Variants in ARID2 observed in about 807,000 individuals in gnomAD.
ARID2 encodes the protein AT-rich interaction domain 2.
ARID2 carries 32 observed loss-of-function variants against 184.6 expected under a neutral mutation model. The ratio of observed to expected loss-of-function variants is 0.17; its 90% CI spans 0.13 to 0.23. The LOEUF (loss-of-function observed/expected upper bound fraction) is 0.23, where lower values mean the gene tolerates loss of function less well. Among genes scored for constraint, ARID2 ranks in the 10% least tolerant of loss-of-function variants. The pLI is 1.00. For missense variants in ARID2, 1,696 were observed against 2,197.6 expected (o/e 0.77, Z 4.56); for synonymous variants, 836 against 772.6 (o/e 1.08, Z -1.36).
chr12:45,869,026 GTT>G (rs60673420), intron 16 of ARID2, among the ~76,000 whole-genome samples: 2 of 148,044 alleles, frequency 1.4e-5, no homozygotes, highest in African/African-American at 2.5e-5. Context: ...ATTGCTTTTT[GTT>G]TTTTTTTTTG....
chr12:45,829,877 G>T (rs986957014), intron 6 of ARID2, among the ~76,000 whole-genome samples: 3 of 140,120 alleles, frequency 2.1e-5, no homozygotes, highest in Non-Finnish European at 3.1e-5. Context: ...CCTTAGGCTT[G>T]TTCCTTAATC....
At position 45,731,346 on chromosome 12, in the gene ARID2, G is replaced by T. The variant is rs371802419; in HGVS notation, c.284+32G>T. On this transcript the variant is annotated intron_variant, in intron 3 of 20. Coordinates refer to ENST00000334344, the MANE Select transcript of ARID2 (RefSeq NM_152641.4). ...AGTAGTGACTTTTCCATAGTATTTG[G>T]AAATAAGGGACTTATGGAGAGATTT... The T allele has an allele frequency of 4.2e-3, 6,282 of 1,482,320 alleles. 289 individuals carry two copies. The South Asian group carries it at 0.067, about 16-fold the overall frequency. The allele number at this position is 1,482,320 out of a possible 1,614,324, so 91.8% of individuals were successfully genotyped here.
chr12:45,859,265 C>T (rs1042721396), intron 15 of ARID2, among the ~76,000 whole-genome samples: 12 of 152,168 alleles, frequency 7.9e-5, no homozygotes, highest in African/African-American at 2.4e-4. Flanking sequence ...CATTGTGTTA[C>T]GGTTGCCTAT....
At chr12:45,826,609 G>A (rs1235237671) in intron 6 of ARID2, among the ~76,000 whole-genome samples, 2 of 151,848 alleles carry the variant, frequency 1.3e-5, no homozygotes, top group Non-Finnish European at 2.9e-5. Flanking sequence ...TGTAGAGATA[G>A]AGTCTTGATA....
intron 16 of ARID2, among the ~76,000 whole-genome samples, chr12:45,864,150 C>T (rs1239360825): frequency 6.6e-6 from 1 of 152,118 alleles, no homozygotes; most frequent in Non-Finnish European, 1.5e-5. Context: ...AGCCATAATT[C>T]TCCTTTTAGA....
intron 3 of ARID2, among the ~76,000 whole-genome samples, chr12:45,759,119 T>C (rs1390557599): frequency 6.6e-6 from 1 of 152,182 alleles, no homozygotes; most frequent in Non-Finnish European, 1.5e-5. Flanking sequence ...CTGAAGTGTT[T>C]TCTATGTTTT....
chr12:45,852,051 G>A lies in ARID2; in HGVS notation c.3928G>A (p.Gly1310Arg), dbSNP rs1943561981. The change falls in exon 15 of 21, where the codon GGG becomes AGG. Residue 1310 changes from glycine (G) to arginine (R), a missense_variant. Transcript: ENST00000334344. ...SDSSLPPSNS[G>R]KIQSETNQCS... ...CTCAAGTCTACCTCCTTCAAACTCA[G>A]GGAAAATTCAAAGTGAGACTAATCA... 6.2e-7 allele frequency: 1 copy of A among 1,614,070 alleles called. No individual in the cohort carries two copies. Among genetic ancestry groups the A allele is most frequent in the Non-Finnish European group, 8.5e-7 (1 of 1,179,998 alleles).
chr12:45,895,822 C>T (rs540749588), intron 20 of ARID2, among the ~76,000 whole-genome samples: 7 of 152,214 alleles, frequency 4.6e-5, no homozygotes, highest in South Asian at 2.1e-4. Context: ...TGTGAGCCAC[C>T]GCACCTGGCC....
intron 3 of ARID2, among the ~76,000 whole-genome samples, chr12:45,735,678 G>T (rs897879808): frequency 6.6e-6 from 1 of 152,082 alleles, no homozygotes; most frequent in Non-Finnish European, 1.5e-5. Context: ...ATTCTGTTAC[G>T]TTTTTAAAGG....
rs1944538403 is a variant in ARID2 at position 45,906,979 on chromosome 12, A to G, written c.*1901A>G. The G allele has an allele frequency of 4.3e-6, 1 of 231,708 alleles. No homozygotes were observed. The highest frequency in any genetic ancestry group is 8.5e-6 in the Non-Finnish European group (1 of 117,216). The allele number at this position is 231,708 out of a possible 1,614,324, so 14.4% of individuals were successfully genotyped here. On this transcript the variant is annotated 3_prime_UTR_variant, in exon 21 of 21. Coordinates refer to ENST00000334344, the MANE Select transcript of ARID2 (RefSeq NM_152641.4). ...AGTTTCCATATTAAAAATGTTTTAA[A>G]TATTTTGATTGAATTAGTACCAATG...
At chr12:45,776,865 C>G (rs1317830805) in intron 3 of ARID2, among the ~76,000 whole-genome samples, 1 of 150,866 alleles carries the variant, frequency 6.6e-6, no homozygotes, top group Non-Finnish European at 1.5e-5. Flanking sequence ...TCACTGCAAC[C>G]TCTGCCTCCC....
intron 20 of ARID2, among the ~76,000 whole-genome samples, chr12:45,898,642 G>A (rs540146268): frequency 2.6e-5 from 4 of 152,178 alleles, no homozygotes; most frequent in Admixed American, 6.5e-5. Context: ...TGGGCCAGAC[G>A]CGGTGGCTTA....
intron 3 of ARID2, among the ~76,000 whole-genome samples, chr12:45,739,471 G>A (rs900099379): frequency 7.7e-5 from 9 of 116,160 alleles, no homozygotes; most frequent in Admixed American, 6.9e-4. Flanking sequence ...TTGAGACAGC[G>A]TCTGGCTCTG....
intron 16 of ARID2, among the ~76,000 whole-genome samples, chr12:45,886,740 G>T (rs1039214366): frequency 1.2e-4 from 19 of 152,198 alleles, no homozygotes; most frequent in African/African-American, 4.6e-4. Flanking sequence ...CGTGAAAGCT[G>T]CCAAGGCTTG....
intron 16 of ARID2, among the ~76,000 whole-genome samples, chr12:45,869,311 G>A (rs569998368): frequency 1.3e-5 from 2 of 152,210 alleles, no homozygotes; most frequent in African/African-American, 2.4e-5. Context: ...CACCGTGCCC[G>A]GCCGCGATTG....
chr12:45,838,067 G>C (rs751437205), intron 10 of ARID2, among the ~76,000 whole-genome samples: 19 of 152,144 alleles, frequency 1.2e-4, no homozygotes, highest in Non-Finnish European at 1.8e-4. Context: ...AATTTCTGTT[G>C]TTACGTATTA....
intron 15 of ARID2, among the ~76,000 whole-genome samples, chr12:45,859,186 A>G (rs911351368): frequency 7.2e-5 from 11 of 152,336 alleles, no homozygotes; most frequent in South Asian, 2.1e-4. Context: ...TAATACAACA[A>G]TAGTCTCATA....
chr12:45,861,055 C>A, intron 16 of ARID2, 106 bp downstream of exon 16: 1 of 1,094,740 alleles, frequency 9.1e-7, no homozygotes, highest in Non-Finnish European at 1.2e-6. Context: ...CCTTTAGAAC[C>A]ACTAACTTTA....
At chr12:45,791,395 T>G (rs1315187547) in intron 3 of ARID2, among the ~76,000 whole-genome samples, 3 of 152,252 alleles carry the variant, frequency 2.0e-5, no homozygotes, top group Non-Finnish European at 4.4e-5. Context: ...CAACCTTAAA[T>G]CCTGGTATAA....
Sources: allele counts gnomAD v4.1 joint callset (sites outside exome capture counted in the v4.1 genomes callset), GRCh38; gene constraint gnomAD v4.1.1; transcripts MANE v1.5; gene names NCBI Gene and HGNC (gene_info 2026-07-23, HGNC 2026-07-21).